The following RCAN2 variants were observed in gnomAD, a reference collection of about 807,000 sequenced individuals.
RCAN2 encodes the protein regulator of calcineurin 2, also known as calcipressin-2.
RCAN2 carries 9 observed loss-of-function variants against 23.6 expected under a neutral mutation model. The observed-to-expected ratio is 0.38, with a 90% CI of 0.23 to 0.67. The LOEUF is 0.67. Ranked by LOEUF, RCAN2 falls within the 30% of genes least tolerant of loss-of-function variation. The pLI is 0.51. For missense variants in RCAN2, 273 were observed against 302.3 expected (o/e 0.90, Z 0.72); for synonymous variants, 109 against 115.7 (o/e 0.94, Z 0.37).
At chr6:46,226,449 T>G (rs1024817717) in intron 4 of RCAN2, among the ~76,000 whole-genome samples, 1 of 152,058 alleles carries the variant, frequency 6.6e-6, no homozygotes, top group Admixed American at 6.6e-5. Context: ...TTTGTGTCCT[T>G]TTTTATTTCA....
chr6:46,361,453 T>A (rs1329386148), intron 2 of RCAN2, among the ~76,000 whole-genome samples: 4 of 152,196 alleles, frequency 2.6e-5, no homozygotes, highest in Non-Finnish European at 4.4e-5. Flanking sequence ...AGAACTAGTT[T>A]GACTATTGTT....
At chr6:46,454,905 C>T (rs1767975650) in intron 2 of RCAN2, among the ~76,000 whole-genome samples, 1 of 152,154 alleles carries the variant, frequency 6.6e-6, no homozygotes, top group African/African-American at 2.4e-5. Context: ...AGTTAATCAG[C>T]CATTCTTGAG....
intron 2 of RCAN2, among the ~76,000 whole-genome samples, chr6:46,289,892 C>T (rs918248661): frequency 6.6e-6 from 1 of 152,124 alleles, no homozygotes; most frequent in Non-Finnish European, 1.5e-5. Flanking sequence ...TAAGTTTGTG[C>T]CACTGAAATG....
intron 1 of RCAN2, among the ~76,000 whole-genome samples, chr6:46,463,444 G>C (rs571896064): frequency 6.6e-6 from 1 of 152,248 alleles, no homozygotes; most frequent in African/African-American, 2.4e-5. Flanking sequence ...TCCTTGTAGT[G>C]GTGATATCCA....
chr6:46,344,172 A>G (rs1346259454), intron 2 of RCAN2, among the ~76,000 whole-genome samples: 1 of 152,232 alleles, frequency 6.6e-6, no homozygotes, highest in Admixed American at 6.5e-5. Flanking sequence ...TCATTGAGTT[A>G]TACACATAAA....
intron 2 of RCAN2, among the ~76,000 whole-genome samples, chr6:46,302,074 G>C (rs1762919541): frequency 6.6e-6 from 1 of 152,114 alleles, no homozygotes. Context: ...GCAGTGTCAA[G>C]AAGGAAGGTG....
intron 1 of RCAN2, among the ~76,000 whole-genome samples, chr6:46,459,819 CA>C (rs1768158873): frequency 1.3e-5 from 2 of 152,068 alleles, no homozygotes; most frequent in Non-Finnish European, 2.9e-5. Flanking sequence ...TTAACCACTA[CA>C]TAAAAGAATA....
chr6:46,270,584 C>A (rs1767490096), intron 2 of RCAN2, among the ~76,000 whole-genome samples: 1 of 152,202 alleles, frequency 6.6e-6, no homozygotes, highest in Admixed American at 6.5e-5. Flanking sequence ...TGCCCTTATG[C>A]AAGCCCCTCC....
rs2150403899 is a variant in RCAN2 at position 46,403,182 on chromosome 6, G to A, written c.225+53570C>T. Among the ~76,000 whole-genome samples, 2 of 152,134 alleles carry A rather than the reference G, an allele frequency of 1.3e-5. 1 individual carries two copies. The highest frequency in any genetic ancestry group is 4.1e-4 in the South Asian group (2 of 4,820). On this transcript the variant is annotated intron_variant, in intron 2 of 4. Coordinates refer to ENST00000371374, the MANE Select transcript of RCAN2 (RefSeq NM_001251974.2). ...GGGTTTCACCATGTTAGCCAGGATGGTCTCAATCTCCTGACCTTGTGATCC... is the reference window on the plus strand; with the variant it reads ...GGGTTTCACCATGTTAGCCAGGATGATCTCAATCTCCTGACCTTGTGATCC...
chr6:46,325,424 T>C, intron 2 of RCAN2: 1 of 1,614,134 alleles, frequency 6.2e-7, no homozygotes, highest in Non-Finnish European at 8.5e-7. Flanking sequence ...GACCTCGACA[T>C]CCACCACACA....
rs10080575 is a variant in RCAN2 at position 46,461,110 on chromosome 6, C to T, written c.-2-4132G>A. On this transcript the variant is annotated intron_variant, in intron 1 of 4. Transcript: ENST00000371374. Reference sequence around the variant, plus strand: ...TATAAAGAAGAAAATAAAAGTAAACCATAATCCTACTATCCAGAGAAAACT... The same window carrying T: ...TATAAAGAAGAAAATAAAAGTAAACTATAATCCTACTATCCAGAGAAAACT... Among the ~76,000 whole-genome samples the T allele has an allele frequency of 4.9e-3, 738 of 152,114 alleles. 6 individuals carry two copies. Among genetic ancestry groups the T allele is most frequent in the African/African-American group, 0.017 (696 of 41,486 alleles).
intron 4 of RCAN2, 105 bp downstream of exon 4, chr6:46,246,643 A>G: frequency 1.2e-6 from 1 of 866,982 alleles, no homozygotes; most frequent in Non-Finnish European, 1.8e-6. Context: ...ATCTATTAGA[A>G]ATGCAGATGT....
intron 2 of RCAN2, among the ~76,000 whole-genome samples, chr6:46,365,055 G>A (rs77376867): frequency 3.5e-4 from 53 of 151,982 alleles, no homozygotes; most frequent in South Asian, 2.1e-4. Flanking sequence ...AGCCCTAATC[G>A]CACTTTGATA....
chr6:46,462,904 T>C (rs574231267), intron 1 of RCAN2, among the ~76,000 whole-genome samples: 2 of 152,330 alleles, frequency 1.3e-5, no homozygotes, highest in South Asian at 2.1e-4. Flanking sequence ...CAGGGAGCCA[T>C]GCATTTGCCC....
At chr6:46,471,246 C>T (rs1768551806) in intron 1 of RCAN2, among the ~76,000 whole-genome samples, 1 of 152,124 alleles carries the variant, frequency 6.6e-6, no homozygotes, top group Non-Finnish European at 1.5e-5. Flanking sequence ...CAGGAACTGA[C>T]TTATGTTTTA....
chr6:46,320,996 G>A (rs1763597594), intron 2 of RCAN2, among the ~76,000 whole-genome samples: 1 of 152,160 alleles, frequency 6.6e-6, no homozygotes, highest in Non-Finnish European at 1.5e-5. Flanking sequence ...GGGGGGACTA[G>A]GTAGGAGCAC....
intron 2 of RCAN2, among the ~76,000 whole-genome samples, chr6:46,339,014 CAAAAA>C (rs3997300): frequency 2.8e-4 from 13 of 47,112 alleles, no homozygotes; most frequent in East Asian, 2.5e-3. Flanking sequence ...GACCCTGTCT[CAAAAA>C]AAAAAAAAAA....
At chr6:46,332,351 C>G (rs1045167808) in intron 2 of RCAN2, among the ~76,000 whole-genome samples, 2 of 151,958 alleles carry the variant, frequency 1.3e-5, no homozygotes, top group South Asian at 4.2e-4. Flanking sequence ...GGTACATGTG[C>G]ACAATGTGCA....
chr6:46,248,672 TA>T (rs771291090), intron 3 of RCAN2, 50 bp downstream of exon 3: 2 of 1,420,678 alleles, frequency 1.4e-6, no homozygotes, highest in South Asian at 1.4e-5. Flanking sequence ...TTTAAAATGG[TA>T]AAAAATAATG....
Sources: allele counts gnomAD v4.1 joint callset (sites outside exome capture counted in the v4.1 genomes callset), GRCh38; gene constraint gnomAD v4.1.1; transcripts MANE v1.5; gene names NCBI Gene and HGNC (gene_info 2026-07-23, HGNC 2026-07-21).